SLC38A8: variants seen among roughly 807,000 people sequenced by gnomAD.
SLC38A8 encodes the protein amino acid transporter SLC38A8.
A neutral mutation model predicts 46.0 loss-of-function variants in SLC38A8; 65 were observed. That is an observed-to-expected ratio of 1.41 (90% CI 1.16 to 1.74). The LOEUF is 1.74. SLC38A8 is among the 40% of genes most tolerant of loss of function. The pLI, the probability that SLC38A8 is intolerant of heterozygous loss-of-function variation, is 0.00. For missense variants in SLC38A8, 998 were observed against 567.9 expected (o/e 1.76, Z -7.70); for synonymous variants, 447 against 243.7 (o/e 1.83, Z -7.77).
intron 2 of SLC38A8, among the ~76,000 whole-genome samples, chr16:84,037,471 G>A (rs1262495721): frequency 6.6e-6 from 1 of 152,178 alleles, no homozygotes; most frequent in African/African-American, 2.4e-5. Flanking sequence ...CTCAAGAAAT[G>A]GTGTTCCGGC....
At position 84,033,922 on chromosome 16, in the gene SLC38A8, C is replaced by G. The variant is rs553716234; in HGVS notation, c.389-453G>C. On this transcript the variant is annotated intron_variant, in intron 3 of 10. Coordinates refer to ENST00000299709, the MANE Select transcript of SLC38A8 (RefSeq NM_001080442.3). ...CATGGTTGCAGCAGAACACATGACCCCAAATGCAGTGGCTCAAAACCACTT... is the reference window on the plus strand; with the variant it reads ...CATGGTTGCAGCAGAACACATGACCGCAAATGCAGTGGCTCAAAACCACTT... 2.0e-5 allele frequency among the ~76,000 whole-genome samples: 3 copies of G among 151,634 alleles called. No individual in the cohort carries two copies. In the South Asian group the frequency reaches 6.2e-4, roughly 31 times the overall value.
chr16:84,022,667 G>A (rs2085108048), intron 7 of SLC38A8, 108 bp downstream of exon 7: 3 of 792,078 alleles, frequency 3.8e-6, no homozygotes, highest in African/African-American at 3.5e-5. Context: ...TCAAAACATT[G>A]AGTATTGAGC....
At chr16:84,014,654 C>T (rs1253976728) in intron 9 of SLC38A8, among the ~76,000 whole-genome samples, 1 of 152,048 alleles carries the variant, frequency 6.6e-6, no homozygotes, top group East Asian at 1.9e-4. Context: ...GGCTGTTCTC[C>T]TCCCCTCCCT....
At chr16:84,029,198 C>T (rs1031498922) in intron 6 of SLC38A8, among the ~76,000 whole-genome samples, 4 of 152,266 alleles carry the variant, frequency 2.6e-5, no homozygotes, top group South Asian at 2.1e-4. Context: ...GGACAGGTCC[C>T]GGGTCCCCAC....
intron 10 of SLC38A8, 104 bp from the exon 11 acceptor site, chr16:84,009,981 A>C: frequency 1.2e-6 from 1 of 859,354 alleles, no homozygotes. Flanking sequence ...TGGAGTCATC[A>C]ATTTGGAAAA....
chr16:84,013,660 A>C (rs1198091619), intron 9 of SLC38A8, among the ~76,000 whole-genome samples: 2 of 144,498 alleles, frequency 1.4e-5, no homozygotes, highest in African/African-American at 5.1e-5. Flanking sequence ...GGACCTCTTG[A>C]CCTCGTGATC....
At chr16:84,024,035 C>G (rs1466179933) in intron 6 of SLC38A8, among the ~76,000 whole-genome samples, 2 of 152,216 alleles carry the variant, frequency 1.3e-5, no homozygotes, top group Admixed American at 6.5e-5. Context: ...GGCAGCCGCC[C>G]TGTGTGTTTG....
At chr16:84,012,339 G>T (rs554940928) in intron 10 of SLC38A8, among the ~76,000 whole-genome samples, 1 of 152,204 alleles carries the variant, frequency 6.6e-6, no homozygotes, top group Non-Finnish European at 1.5e-5. Context: ...CAGAGGCTCA[G>T]TCGTGTCTGA....
At position 84,016,707 on chromosome 16, in the gene SLC38A8, C is replaced by T. The variant is rs1182946461; in HGVS notation, c.974G>A (p.Trp325Ter). 1 of 1,612,966 alleles carries T rather than the reference C, an allele frequency of 6.2e-7. No individual in the cohort carries two copies. Among genetic ancestry groups the T allele is most frequent in the Admixed American group, 1.7e-5 (1 of 60,018 alleles). ...CCATCCCCCCAAGCAGCTCCTCCTC[C>T]AGAAGTCCTGCATCACTGACCTGGA... ...FLGRSVMQDF[W>*]RRSCLGGWGP... The change falls in exon 9 of 11, where the codon TGG (tryptophan) becomes TAG (stop). Residue 325 changes from tryptophan to a stop codon, truncating the protein, a stop_gained. Transcript: ENST00000299709. LOFTEE classifies it high-confidence loss of function.
Position 84,017,233 on chromosome 16 carries a change from G to C in SLC38A8, c.860C>G (p.Ser287Cys), listed in dbSNP as rs777486087. ...GATGACCATATCATTGCCTGGGTAG[G>C]ACATCAAGACGTCAGCAGAAACTTC... ...GTEVSADVLM[S>C]YPGNDMVIIV... Residue 287 changes from serine to cysteine, a missense_variant, in exon 8 of 11, where the codon TCC (serine) becomes TGC (cysteine). Coordinates refer to ENST00000299709, the MANE Select transcript of SLC38A8 (RefSeq NM_001080442.3). 6.2e-6 allele frequency: 10 copies of C among 1,614,138 alleles called. No individual in the cohort carries two copies. In the East Asian group the frequency reaches 2.2e-4, roughly 36 times the overall value.
At chr16:84,023,928 C>A (rs1465772521) in intron 6 of SLC38A8, among the ~76,000 whole-genome samples, 1 of 152,188 alleles carries the variant, frequency 6.6e-6, no homozygotes, top group Non-Finnish European at 1.5e-5. Context: ...GAGAATGTTT[C>A]CGTTAATGGA....
chr16:84,014,985 C>G (rs1214101952), intron 9 of SLC38A8, among the ~76,000 whole-genome samples: 2 of 152,180 alleles, frequency 1.3e-5, no homozygotes, highest in Non-Finnish European at 2.9e-5. Flanking sequence ...GTAAGAGCCT[C>G]TACCTGTGCT....
At chr16:84,012,338 A>C (rs1013325277) in intron 10 of SLC38A8, among the ~76,000 whole-genome samples, 1 of 152,232 alleles carries the variant, frequency 6.6e-6, no homozygotes, top group African/African-American at 2.4e-5. Flanking sequence ...ACAGAGGCTC[A>C]GTCGTGTCTG....
chr16:84,022,982 G>C (rs956159474), intron 6 of SLC38A8, 93 bp from the exon 7 acceptor site: 1 of 834,668 alleles, frequency 1.2e-6, no homozygotes, highest in Non-Finnish European at 1.8e-6. Flanking sequence ...GGAAATGTGG[G>C]ATATGATGAG....
chr16:84,033,617 G>C (rs1054361716), intron 3 of SLC38A8, 148 bp from the exon 4 acceptor site: 38 of 840,424 alleles, frequency 4.5e-5, no homozygotes, highest in East Asian at 1.4e-4. Context: ...GTGAGATGGA[G>C]ACAGGTCACG....
chr16:84,017,004 G>T, intron 8 of SLC38A8, 136 bp downstream of exon 8: 1 of 1,275,440 alleles, frequency 7.8e-7, no homozygotes, highest in Non-Finnish European at 1.1e-6. Context: ...TAAATCCTCT[G>T]TGCCTGTTTC....
intron 2 of SLC38A8, among the ~76,000 whole-genome samples, chr16:84,037,871 C>A (rs1047331053): frequency 7.4e-6 from 1 of 135,620 alleles, no homozygotes; most frequent in Admixed American, 8.3e-5. Flanking sequence ...TGCCATGGCA[C>A]GACCTCGGCT....
At chr16:84,025,535 T>C (rs1430653273) in intron 6 of SLC38A8, among the ~76,000 whole-genome samples, 7 of 152,294 alleles carry the variant, frequency 4.6e-5, no homozygotes, top group Admixed American at 4.6e-4. Flanking sequence ...CAAGTCTGCG[T>C]TGCTCAGGGC....
At position 84,013,524 on chromosome 16, in the gene SLC38A8, G is replaced by A. The variant is rs377527493; in HGVS notation, c.1163-472C>T. 1.1e-3 allele frequency among the ~76,000 whole-genome samples: 143 copies of A among 130,048 alleles called. 2 individuals carry two copies. Among genetic ancestry groups the A allele is most frequent in the African/African-American group, 3.6e-3 (128 of 35,218 alleles). The allele number at this position is 130,048 out of a possible 152,430, so 85.3% of individuals were successfully genotyped here. On this transcript the variant is annotated intron_variant, in intron 9 of 10. Transcript: ENST00000299709. ...CGGCTCACTGCAACCTCCACCTCCCGGGTTCAAGTCATTCTCGTGCCTCAG... is the reference window on the plus strand; with the variant it reads ...CGGCTCACTGCAACCTCCACCTCCCAGGTTCAAGTCATTCTCGTGCCTCAG...
Sources: gnomAD v4.1 joint callset for allele counts (sites outside exome capture counted in the v4.1 genomes callset) on GRCh38, gnomAD v4.1.1 for gene constraint, MANE v1.5 for transcripts, NCBI Gene and HGNC (gene_info 2026-07-23, HGNC 2026-07-21) for gene names.